SUMF1: variants seen among roughly 807,000 people sequenced by gnomAD.
SUMF1 encodes the protein formylglycine-generating enzyme.
SUMF1 carries 48 observed loss-of-function variants against 47.6 expected under a neutral mutation model. The observed-to-expected ratio is 1.01, with a 90% CI of 0.80 to 1.28. SUMF1 has a LOEUF of 1.28. SUMF1 is among the 50% of genes most tolerant of loss of function. The pLI is 0.00. For missense variants in SUMF1, 571 were observed against 485.4 expected, an observed-to-expected ratio of 1.18 and a Z score of -1.66; for synonymous variants, 230 against 192.1, an observed-to-expected ratio of 1.20 and a Z score of -1.63.
rs116168327 is a variant in SUMF1, at chr3:4,387,005, T to G, written c.955-10616A>C. On this transcript the variant is annotated intron_variant, in intron 7 of 8. Transcript: ENST00000272902. Reference sequence around the variant, plus strand: ...CTGATGAATTCTATTTGCTAACATTTTGTTAAGGATTTTTGTGTCTCTATT... The same window carrying G: ...CTGATGAATTCTATTTGCTAACATTGTGTTAAGGATTTTTGTGTCTCTATT... Among the ~76,000 whole-genome samples, 1,409 of 152,158 alleles carry G rather than the reference T, an allele frequency of 9.3e-3. 14 individuals are homozygous for G. The highest frequency in any genetic ancestry group is 0.032 in the African/African-American group (1,316 of 41,558).
chr3:4,141,427 T>A (rs1441145209), intron 8 of SUMF1, among the ~76,000 whole-genome samples: 1 of 152,114 alleles, frequency 6.6e-6, no homozygotes, highest in Admixed American at 6.6e-5. Context: ...GCCCAGAGGA[T>A]AACTTGACCA....
chr3:4,426,331 A>C (rs1470452164), intron 3 of SUMF1, among the ~76,000 whole-genome samples: 2 of 152,186 alleles, frequency 1.3e-5, no homozygotes, highest in Non-Finnish European at 2.9e-5. Flanking sequence ...AAGTAATCAA[A>C]GTCACCCCAC....
chr3:4,252,137 A>G (rs1315740760), intron 8 of SUMF1, among the ~76,000 whole-genome samples: 2 of 152,216 alleles, frequency 1.3e-5, no homozygotes, highest in African/African-American at 2.4e-5. Flanking sequence ...AATGAGTAAC[A>G]CTGCACAAAT....
chr3:4,147,055 C>T (rs1248392936), intron 8 of SUMF1, among the ~76,000 whole-genome samples: 3 of 152,018 alleles, frequency 2.0e-5, no homozygotes, highest in African/African-American at 4.8e-5. Flanking sequence ...CCAAAAGACA[C>T]ATGAAAAAAT....
chr3:4,297,062 T>C (rs1361968007), intron 8 of SUMF1, among the ~76,000 whole-genome samples: 1 of 152,212 alleles, frequency 6.6e-6, no homozygotes, highest in Admixed American at 6.5e-5. Context: ...TCCTGAATTA[T>C]AAATAATAGT....
At chr3:4,118,993 C>T (rs1693480339) in intron 8 of SUMF1, among the ~76,000 whole-genome samples, 1 of 152,054 alleles carries the variant, frequency 6.6e-6, no homozygotes, top group South Asian at 2.1e-4. Flanking sequence ...TATTTGATGT[C>T]CTACAAACAC....
intron 8 of SUMF1, among the ~76,000 whole-genome samples, chr3:4,072,586 A>T (rs1173653440): frequency 6.6e-6 from 1 of 152,162 alleles, no homozygotes; most frequent in Non-Finnish European, 1.5e-5. Context: ...AAAACCTTGA[A>T]AACAGGTTAA....
At position 4,042,034 on chromosome 3, in the gene SUMF1, G is replaced by A. The variant is rs986877673; in HGVS notation, c.1191+26535C>T. ...TTAAATAGCATTCAAAGTATACTAG[G>A]AGAAAATTACAGTCAAGTTTGAGTC... On this transcript the variant is annotated intron_variant and NMD_transcript_variant, in intron 9 of 12. Transcript: ENST00000448413. 3.3e-5 allele frequency among the ~76,000 whole-genome samples: 5 copies of A among 152,222 alleles called. No individual in the cohort carries two copies. The East Asian group carries it at 5.8e-4, about 18-fold the overall frequency.
At chr3:4,360,378 A>C (rs182111072), downstream of SUMF1, among the ~76,000 whole-genome samples, 1 of 151,378 alleles carries the variant, frequency 6.6e-6, no homozygotes. Flanking sequence ...TCCAGGCTGG[A>C]ATGCAATGGC....
At chr3:4,225,276 T>G (rs1280041045) in intron 8 of SUMF1, among the ~76,000 whole-genome samples, 3 of 152,102 alleles carry the variant, frequency 2.0e-5, no homozygotes, top group African/African-American at 7.2e-5. Flanking sequence ...CTGTCTATAC[T>G]AAGTACCCCA....
In SUMF1 at chr3:4,417,859, T is replaced by C. The variant is rs1016676405; in HGVS notation, c.725+151A>G. The C allele has an allele frequency of 5.0e-6, 7 of 1,397,322 alleles. No individual in the cohort carries two copies. In the South Asian group the frequency reaches 8.7e-5, roughly 17 times the overall value. The allele number at this position is 1,397,322 out of a possible 1,614,324, so 86.6% of individuals were successfully genotyped here. A position where few individuals can be genotyped will look rare whatever the true frequency, so the allele number is the denominator to read the frequency against. On this transcript the variant is annotated intron_variant, in intron 5 of 8. Transcript: ENST00000272902. ...AAAAGATTTGTGACCCATTCTCCAG[T>C]GTCTTCTAAGTAATTTCGTGGAAAA...
intron 8 of SUMF1, among the ~76,000 whole-genome samples, chr3:4,238,311 C>T (rs899297449): frequency 3.9e-5 from 6 of 152,132 alleles, no homozygotes; most frequent in Non-Finnish European, 7.4e-5. Context: ...ATTGCTGGGT[C>T]AAATGTTATT....
chr3:4,085,734 C>T (rs543146400), intron 8 of SUMF1, among the ~76,000 whole-genome samples: 2 of 152,104 alleles, frequency 1.3e-5, no homozygotes, highest in Admixed American at 6.5e-5. Flanking sequence ...TCTACTTTGT[C>T]CTTCTCTTTT....
At chr3:4,459,042 G>A (rs938198145) in intron 1 of SUMF1, among the ~76,000 whole-genome samples, 3 of 152,072 alleles carry the variant, frequency 2.0e-5, no homozygotes, top group Non-Finnish European at 4.4e-5. Flanking sequence ...GGGGGAGAGG[G>A]GAAGATGGGG....
chr3:4,192,665 T>G (rs1695344882), intron 8 of SUMF1, among the ~76,000 whole-genome samples: 1 of 152,250 alleles, frequency 6.6e-6, no homozygotes, highest in East Asian at 1.9e-4. Context: ...AATACATGTT[T>G]TATGCTAATG....
intron 8 of SUMF1, among the ~76,000 whole-genome samples, chr3:4,202,217 T>C (rs1695555409): frequency 6.6e-6 from 1 of 152,082 alleles, no homozygotes; most frequent in African/African-American, 2.4e-5. Context: ...TTTTTTCTTT[T>C]CATTGTTTCA....
At chr3:4,412,765 C>T (rs898505494) in intron 6 of SUMF1, among the ~76,000 whole-genome samples, 31 of 152,090 alleles carry the variant, frequency 2.0e-4, no homozygotes, top group African/African-American at 7.2e-4. Flanking sequence ...TGGTGCACGC[C>T]TGTAATCCCA....
chr3:4,070,697 G>A (rs1014178425), intron 8 of SUMF1, among the ~76,000 whole-genome samples: 8 of 151,660 alleles, frequency 5.3e-5, no homozygotes, highest in African/African-American at 1.2e-4. Context: ...GTGCAGTGGC[G>A]CCATCTTGGC....
At chr3:4,397,877 A>G (rs1173539668) in intron 7 of SUMF1, among the ~76,000 whole-genome samples, 1 of 152,162 alleles carries the variant, frequency 6.6e-6, no homozygotes, top group Non-Finnish European at 1.5e-5. Context: ...CATTACACGT[A>G]AAACATAATA....
Sources: allele counts gnomAD v4.1 joint callset (sites outside exome capture counted in the v4.1 genomes callset), GRCh38; gene constraint gnomAD v4.1.1; transcripts MANE v1.5; gene names NCBI Gene and HGNC (gene_info 2026-07-23, HGNC 2026-07-21).